FAM184B: variants seen among roughly 807,000 people sequenced by gnomAD.
The protein encoded by FAM184B is family with sequence similarity 184 member B, also known as protein FAM184B.
A neutral mutation model predicts 135.9 loss-of-function variants in FAM184B; 111 were observed. The observed-to-expected ratio is 0.82, with a 90% CI of 0.70 to 0.96. FAM184B has a LOEUF of 0.96. Ranked by LOEUF, FAM184B falls within the 40% of genes least tolerant of loss-of-function variation. FAM184B has a pLI of 0.00. For synonymous variants in FAM184B, 552 were observed against 524.8 expected (o/e 1.05, Z -0.71); for missense variants, 1,375 against 1,323.9 (o/e 1.04, Z -0.60).
At chr4:17,760,674 T>G (rs1442470390) in intron 1 of FAM184B, among the ~76,000 whole-genome samples, 2 of 152,102 alleles carry the variant, frequency 1.3e-5, no homozygotes, top group Non-Finnish European at 2.9e-5. Context: ...TTTGTGTGAA[T>G]TGTCCTTTTA....
chr4:17,647,514 T>G (rs1409768918), intron 12 of FAM184B, 123 bp downstream of exon 12: 2 of 1,248,602 alleles, frequency 1.6e-6, no homozygotes, highest in Non-Finnish European at 2.2e-6. Context: ...CCTCCCAAAG[T>G]GCTAGATTCC....
chr4:17,766,947 G>A (rs1361225869), intron 1 of FAM184B, among the ~76,000 whole-genome samples: 2 of 152,194 alleles, frequency 1.3e-5, no homozygotes, highest in African/African-American at 2.4e-5. Context: ...CCCGAGCCCT[G>A]CCCCGCGGGG....
At chr4:17,648,423 T>C (rs1005669990) in intron 11 of FAM184B, among the ~76,000 whole-genome samples, 4 of 151,944 alleles carry the variant, frequency 2.6e-5, no homozygotes, top group African/African-American at 7.3e-5. Flanking sequence ...CTCGGCTCAC[T>C]GCAGCCTCCA....
intron 1 of FAM184B, among the ~76,000 whole-genome samples, chr4:17,742,247 C>T (rs1313944603): frequency 4.7e-5 from 7 of 149,122 alleles, no homozygotes; most frequent in Admixed American, 2.0e-4. Flanking sequence ...ACAAGAGGAT[C>T]GCTTGAAGTC....
intron 1 of FAM184B, among the ~76,000 whole-genome samples, chr4:17,765,801 T>G (rs985205869): frequency 6.6e-6 from 1 of 152,204 alleles, no homozygotes; most frequent in African/African-American, 2.4e-5. Context: ...AAAGGTGGTG[T>G]GTCCAGAGTT....
intron 1 of FAM184B, among the ~76,000 whole-genome samples, chr4:17,735,021 G>T (rs1717874277): frequency 6.6e-6 from 1 of 152,178 alleles, no homozygotes; most frequent in South Asian, 2.1e-4. Context: ...AAGAGTTCAT[G>T]TCCTTTGTAG....
chr4:17,752,520 C>G (rs1718327473), intron 1 of FAM184B, among the ~76,000 whole-genome samples: 1 of 152,022 alleles, frequency 6.6e-6, no homozygotes, highest in Admixed American at 6.5e-5. Context: ...CACAGAGAGC[C>G]ATGTTCTTAA....
chr4:17,696,442 C>G (rs182954597), intron 5 of FAM184B, among the ~76,000 whole-genome samples: 1 of 152,046 alleles, frequency 6.6e-6, no homozygotes, highest in Non-Finnish European at 1.5e-5. Flanking sequence ...AAGAACCGGA[C>G]GGGACCAGGC....
At chr4:17,751,730 G>C (rs1358653678) in intron 1 of FAM184B, among the ~76,000 whole-genome samples, 3 of 151,092 alleles carry the variant, frequency 2.0e-5, no homozygotes, top group Non-Finnish European at 2.9e-5. Context: ...CTTCTGAGAA[G>C]GAATATTGCT....
At chr4:17,666,842 A>G (rs1051034575) in intron 7 of FAM184B, among the ~76,000 whole-genome samples, 114 of 152,162 alleles carry the variant, frequency 7.5e-4, no homozygotes, top group African/African-American at 2.6e-3. Context: ...TGTGTGGCAC[A>G]TGCGAGTCAT....
At chr4:17,691,255 G>C (rs4698650) in intron 6 of FAM184B, among the ~76,000 whole-genome samples, 90,946 of 152,142 alleles carry the variant, frequency 0.6, 27,805 homozygotes, top group East Asian at 0.87. Context: ...CCTCAGTTGT[G>C]TCATTTGTAT....
chr4:17,648,549 T>C (rs2108934836), intron 11 of FAM184B, among the ~76,000 whole-genome samples: 1 of 151,668 alleles, frequency 6.6e-6, no homozygotes, highest in South Asian at 2.1e-4. Flanking sequence ...AGATGGGGTT[T>C]CACCATTTTG....
intron 5 of FAM184B, among the ~76,000 whole-genome samples, chr4:17,704,245 C>G (rs1008807349): frequency 2.0e-5 from 3 of 152,184 alleles, no homozygotes; most frequent in Non-Finnish European, 4.4e-5. Context: ...TTGCTTCATA[C>G]TTCCTTCTTT....
chr4:17,731,689 T>C (rs976474093), intron 1 of FAM184B, among the ~76,000 whole-genome samples: 1 of 152,172 alleles, frequency 6.6e-6, no homozygotes, highest in Admixed American at 6.5e-5. Flanking sequence ...AAGTCCTTAG[T>C]GACCTACAAA....
At chr4:17,780,772 G>A (rs1719017719) in intron 1 of FAM184B, among the ~76,000 whole-genome samples, 1 of 152,158 alleles carries the variant, frequency 6.6e-6, no homozygotes, top group Non-Finnish European at 1.5e-5. Flanking sequence ...AATGGATCAA[G>A]TGTTTAAATA....
Position 17,709,474 on chromosome 4 carries a change from C to T in FAM184B, c.312G>A (p.Leu104=). The change falls in exon 2 of 18, where the codon CTG becomes CTA. Residue 104 remains leucine (L), a synonymous_variant. Coordinates refer to ENST00000265018, the MANE Select transcript of FAM184B (RefSeq NM_015688.2). ...EEALLQRIQA[L]ESALELQKRL... is the part of the protein sequence containing the mutation. ...TCTTTTGCAGCTCCAGGGCGCTCTC[C>T]AGGGCCTGGATGCGCTGTAGAAGGG... is the stretch of plus-strand genomic sequence containing the variant. 1 of 1,543,560 alleles carries T rather than the reference C, an allele frequency of 6.5e-7. No individual in the cohort carries two copies. Among genetic ancestry groups the T allele is most frequent in the Non-Finnish European group, 8.8e-7 (1 of 1,142,468 alleles).
At chr4:17,640,364 A>G (rs189017410) in intron 13 of FAM184B, among the ~76,000 whole-genome samples, 3 of 151,296 alleles carry the variant, frequency 2.0e-5, no homozygotes, top group Admixed American at 2.0e-4. Context: ...TCCGCCTGTA[A>G]TCCCAGCTAC....
intron 1 of FAM184B, among the ~76,000 whole-genome samples, chr4:17,731,385 A>G (rs1717770820): frequency 6.6e-6 from 1 of 152,222 alleles, no homozygotes; most frequent in Non-Finnish European, 1.5e-5. Flanking sequence ...AGACTGGCAA[A>G]TTGGATAAAG....
At chr4:17,725,928 T>A (rs1717628752) in intron 1 of FAM184B, among the ~76,000 whole-genome samples, 1 of 151,920 alleles carries the variant, frequency 6.6e-6, no homozygotes, top group East Asian at 1.9e-4. Context: ...TCAAAACTCT[T>A]CTTTTTTTTT....
Sources: allele counts gnomAD v4.1 joint callset (sites outside exome capture counted in the v4.1 genomes callset), GRCh38; gene constraint gnomAD v4.1.1; transcripts MANE v1.5; gene names NCBI Gene and HGNC (gene_info 2026-07-23, HGNC 2026-07-21).